The following YARS1 variants were observed in gnomAD, a reference collection of about 807,000 sequenced individuals.
The protein encoded by YARS1 is tyrosyl-tRNA synthetase 1.
A neutral mutation model predicts 62.2 loss-of-function variants in YARS1; 36 were observed. The ratio of observed to expected loss-of-function variants is 0.58; its 90% CI spans 0.44 to 0.76. The LOEUF (loss-of-function observed/expected upper bound fraction) is 0.76. Among genes scored for constraint, YARS1 ranks in the 30% least tolerant of loss-of-function variants. The pLI is 0.00. For missense variants in YARS1, 524 were observed against 639.8 expected (o/e 0.82, Z 1.95); for synonymous variants, 234 against 244.9 (o/e 0.96, Z 0.42).
At chr1:32,813,086 T>C (rs1218014039) in intron 1 of YARS1, among the ~76,000 whole-genome samples, 2 of 152,140 alleles carry the variant, frequency 1.3e-5, no homozygotes, top group Non-Finnish European at 2.9e-5. Context: ...AGGAAATCTT[T>C]GAATCCACCT....
intron 5 of YARS1, 57 bp from the exon 6 acceptor site, chr1:32,791,311 C>T: frequency 1.4e-6 from 2 of 1,410,172 alleles, no homozygotes; most frequent in Admixed American, 3.3e-5. Flanking sequence ...CTCCTCAGTG[C>T]CCTGATCTCA....
intron 6 of YARS1, among the ~76,000 whole-genome samples, chr1:32,788,462 CT>C (rs112637129): frequency 9.2e-5 from 14 of 152,028 alleles, no homozygotes; most frequent in African/African-American, 2.9e-4. Context: ...GACAGTTTTG[CT>C]TTTGTTGCCC....
Position 32,782,440 on chromosome 1 carries a change from G to GT in YARS1, c.1005dup (p.Leu336ThrfsTer58). On this transcript the variant is annotated frameshift_variant, in exon 9 of 13. Transcript: ENST00000373477. LOFTEE classifies it high-confidence loss of function. ...GGATCTGGGTAGGCAGCGCTGGCCA[G>GT]TTTTTTCAGGGCAGGGGTATTAAAC... 1 of 1,614,088 alleles carries GT rather than the reference G, an allele frequency of 6.2e-7. No individual in the cohort carries two copies. The highest frequency in any genetic ancestry group is 8.5e-7 in the Non-Finnish European group (1 of 1,180,000).
chr1:32,786,327 T>C (rs1351965452), intron 8 of YARS1, 35 bp downstream of exon 8: 3 of 1,599,014 alleles, frequency 1.9e-6, no homozygotes, highest in Non-Finnish European at 2.6e-6. Flanking sequence ...AAAATACAGA[T>C]CTTCATGAAA....
At chr1:32,786,609 T>C in intron 7 of YARS1, 162 bp from the exon 8 acceptor site, 1 of 781,154 alleles carries the variant, frequency 1.3e-6, no homozygotes, top group Non-Finnish European at 2.2e-6. Context: ...GGCACTATTG[T>C]ATACCCAGCT....
chr1:32,805,197 C>T (rs181072729), intron 4 of YARS1, among the ~76,000 whole-genome samples: 1 of 130,868 alleles, frequency 7.6e-6, no homozygotes, highest in Non-Finnish European at 1.6e-5. Flanking sequence ...AGCCTCGGCT[C>T]GGCATCAGAG....
chr1:32,784,171 G>A (rs1189508262), intron 8 of YARS1, among the ~76,000 whole-genome samples: 13 of 151,050 alleles, frequency 8.6e-5, no homozygotes, highest in Admixed American at 7.9e-4. Flanking sequence ...TGGCTGGCCA[G>A]TATTTTGATT....
chr1:32,807,466 T>A (rs34619886), intron 3 of YARS1, among the ~76,000 whole-genome samples: 3 of 151,998 alleles, frequency 2.0e-5, no homozygotes, highest in Non-Finnish European at 4.4e-5. Context: ...TCCTTTTATT[T>A]TTTTTTTTGA....
At chr1:32,781,699 G>C (rs1418175126) in intron 9 of YARS1, 2 of 166,046 alleles carry the variant, frequency 1.2e-5, no homozygotes, top group Non-Finnish European at 2.6e-5. Context: ...AAGGAAACTG[G>C]GAGAATCTAA....
chr1:32,779,937 C>A (rs2148599741), intron 11 of YARS1, 148 bp downstream of exon 11: 3 of 884,732 alleles, frequency 3.4e-6, no homozygotes, highest in East Asian at 2.4e-5. Flanking sequence ...TACGATAAGT[C>A]CTTCATGCAT....
chr1:32,798,434 A>G (rs1653673644), intron 4 of YARS1, among the ~76,000 whole-genome samples: 1 of 152,228 alleles, frequency 6.6e-6, no homozygotes, highest in South Asian at 2.1e-4. Flanking sequence ...AAAACAAACC[A>G]TAGTCATGCC....
At chr1:32,788,034 T>C (rs1653294831) in intron 6 of YARS1, among the ~76,000 whole-genome samples, 1 of 152,138 alleles carries the variant, frequency 6.6e-6, no homozygotes, top group Non-Finnish European at 1.5e-5. Flanking sequence ...CACTTGAGCC[T>C]GAGGTTGAAA....
chr1:32,790,637 T>C (rs1653386390), intron 6 of YARS1: 1 of 146,332 alleles, frequency 6.8e-6, no homozygotes, highest in Non-Finnish European at 1.5e-5. Context: ...AATCAACACT[T>C]TTTTTTTTTT....
chr1:32,799,302 C>T (rs1434632497), intron 4 of YARS1, among the ~76,000 whole-genome samples: 1 of 152,036 alleles, frequency 6.6e-6, no homozygotes, highest in Non-Finnish European at 1.5e-5. Flanking sequence ...AAATGTCATG[C>T]TAGGGTGCCT....
chr1:32,801,272 T>G (rs1198996246), intron 4 of YARS1, among the ~76,000 whole-genome samples: 1 of 152,064 alleles, frequency 6.6e-6, no homozygotes, highest in Non-Finnish European at 1.5e-5. Flanking sequence ...ACCTCAGCGA[T>G]ACTGTGGGTT....
At chr1:32,788,637 G>T (rs1425973690) in intron 6 of YARS1, among the ~76,000 whole-genome samples, 1 of 151,896 alleles carries the variant, frequency 6.6e-6, no homozygotes, top group Admixed American at 6.6e-5. Context: ...CTCCATGTTG[G>T]TCAGGCTGGT....
intron 9 of YARS1, 35 bp downstream of exon 9, chr1:32,782,369 C>T (rs1166737256): frequency 6.2e-7 from 1 of 1,613,908 alleles, no homozygotes; most frequent in Non-Finnish European, 8.5e-7. Context: ...AGCTCTCTCT[C>T]CTGATGATGT....
In YARS1 at chr1:32,811,069, G is replaced by A; in HGVS notation, c.58-12C>T. 6.2e-7 allele frequency: 1 copy of A among 1,614,014 alleles called. No individual in the cohort carries two copies. The highest frequency in any genetic ancestry group is 1.7e-5 in the Admixed American group (1 of 60,006). On this transcript the variant is annotated splice_polypyrimidine_tract_variant and intron_variant, in intron 1 of 12. Transcript: ENST00000373477. Reference sequence around the variant, plus strand: ...TCCCCCAGAACCTCCTATTGTGGAAGCAGAAGAGTTAGTTTAATGTCAGTG... The same window carrying A: ...TCCCCCAGAACCTCCTATTGTGGAAACAGAAGAGTTAGTTTAATGTCAGTG...
chr1:32,776,469 T>C lies in YARS1; in HGVS notation c.1477-378A>G, dbSNP rs1372405090. 1.3e-5 allele frequency among the ~76,000 whole-genome samples: 2 copies of C among 152,044 alleles called. No homozygotes were observed. The highest frequency in any genetic ancestry group is 4.8e-5 in the African/African-American group (2 of 41,410). ...GCCTGAAAACTCTCTTATATACCAG[T>C]AGGGTAAGGTAAGCTGGCTCAGCTT... On this transcript the variant is annotated intron_variant, in intron 12 of 12. Transcript: ENST00000373477. This position sits in a 1 kb window ranked among gnomAD's most constrained non-coding sequence, Gnocchi z 4.0.
Sources: gnomAD v4.1 joint callset for allele counts (sites outside exome capture counted in the v4.1 genomes callset) on GRCh38, gnomAD v4.1.1 for gene constraint, Gnocchi (gnomAD v3.1) non-coding constraint, MANE v1.5 for transcripts, NCBI Gene and HGNC (gene_info 2026-07-23, HGNC 2026-07-21) for gene names.